Variants in KIF13A observed in about 807,000 individuals in gnomAD.
KIF13A encodes kinesin-like protein KIF13A.
A neutral mutation model predicts 212.2 loss-of-function variants in KIF13A; 79 were observed. The ratio of observed to expected loss-of-function variants is 0.37; its 90% CI spans 0.31 to 0.45. The LOEUF (loss-of-function observed/expected upper bound fraction) is 0.45. Among genes scored for constraint, KIF13A ranks in the 20% least tolerant of loss-of-function variants. The pLI, the probability that KIF13A is intolerant of heterozygous loss-of-function variation, is 1.00. For missense variants in KIF13A, 1,901 were observed against 2,209.0 expected (o/e 0.86, Z 2.79); for synonymous variants, 789 against 808.6 (o/e 0.98, Z 0.41).
chr6:17,955,452 A>G (rs1239995083), intron 2 of KIF13A, among the ~76,000 whole-genome samples: 1 of 152,234 alleles, frequency 6.6e-6, no homozygotes, highest in Non-Finnish European at 1.5e-5. Context: ...ACCAATTTGG[A>G]TATCTGACCA....
chr6:17,902,628 A>G (rs1455302079), intron 2 of KIF13A, among the ~76,000 whole-genome samples: 1 of 152,136 alleles, frequency 6.6e-6, no homozygotes, highest in African/African-American at 2.4e-5. Context: ...CCACTCTTGA[A>G]GACACAGTTC....
At chr6:17,879,793 A>C (rs1220103647) in intron 3 of KIF13A, among the ~76,000 whole-genome samples, 1 of 152,214 alleles carries the variant, frequency 6.6e-6, no homozygotes, top group Non-Finnish European at 1.5e-5. Flanking sequence ...CTTTCATGCC[A>C]AAATGTAATT....
Position 17,837,669 on chromosome 6 carries a change from T to G in KIF13A, c.831-86A>C. 1 of 922,322 alleles carries G rather than the reference T, an allele frequency of 1.1e-6. No homozygotes were observed. The highest frequency in any genetic ancestry group is 1.7e-6 in the Non-Finnish European group (1 of 592,986). The allele number at this position is 922,322 out of a possible 1,614,324, so 57.1% of individuals were successfully genotyped here. A position where few individuals can be genotyped will look rare whatever the true frequency, so the allele number is the denominator to read the frequency against. On this transcript the variant is annotated intron_variant, in intron 9 of 38. Transcript: ENST00000259711. The surrounding 1 kb of genome is among the most constrained non-coding windows in gnomAD (Gnocchi z 5.4). ...ATGCAGAACAATAAAGCTCCACAGT[T>G]AATACACGTTGGTGGCTCACGCCCG...
rs1281025424 is a variant in KIF13A at position 17,771,924 on chromosome 6, G to T, written c.4460C>A (p.Pro1487His). 1 of 1,613,986 alleles carries T rather than the reference G, an allele frequency of 6.2e-7. No homozygotes were observed. The highest frequency in any genetic ancestry group is 1.1e-5 in the South Asian group (1 of 91,090). ...AGCATTTACCTCCTGGCTTAGAAGA[G>T]GCCTTGCTTCCAGGGCTATCCTTTT... Reference protein sequence around the residue: ...HKKRIALEARPLLSQESMPPP... With the variant: ...HKKRIALEARHLLSQESMPPP... Residue 1487 changes from proline (P) to histidine (H), a missense_variant, in exon 37 of 39, where the codon CCT becomes CAT. Physicochemically the swap from Pro to His is moderately conservative, Grantham distance 77. Around this residue, in one of 5 missense-constraint regions of KIF13A, gnomAD observed 687 missense variants for 759.1 expected, o/e 0.90. Coordinates refer to ENST00000259711, the MANE Select transcript of KIF13A (RefSeq NM_022113.6). This position sits in a 1 kb window ranked among gnomAD's most constrained non-coding sequence, Gnocchi z 5.4.
chr6:17,785,317 C>T lies in KIF13A; in HGVS notation c.3488+198G>A, dbSNP rs753269653. On this transcript the variant is annotated intron_variant, in intron 28 of 38. Coordinates refer to ENST00000259711, the MANE Select transcript of KIF13A (RefSeq NM_022113.6). The surrounding 1 kb of genome is among the most constrained non-coding windows in gnomAD (Gnocchi z 5.8). ...CCTGGCCAGGTAATCAATGCTCTCT[C>T]GCTTCCTGTGGGAGAAAGTTGGCTT... Among the ~76,000 whole-genome samples the T allele has an allele frequency of 1.2e-4, 19 of 152,274 alleles. No individual in the cohort carries two copies. The highest frequency in any genetic ancestry group is 8.5e-4 in the Admixed American group (13 of 15,290).
At chr6:17,944,083 T>C (rs1777174132) in intron 2 of KIF13A, among the ~76,000 whole-genome samples, 1 of 152,346 alleles carries the variant, frequency 6.6e-6, no homozygotes, top group South Asian at 2.1e-4. Flanking sequence ...TTATTATCTA[T>C]ACAGGGTAAT....
At position 17,987,562 on chromosome 6, in the gene KIF13A, G is replaced by T; in HGVS notation, c.-99C>A. 1.7e-6 allele frequency: 1 copy of T among 583,012 alleles called. No homozygotes were observed. Among genetic ancestry groups the T allele is most frequent in the East Asian group, 1.4e-4 (1 of 7,028 alleles). 36.1% of individuals were successfully genotyped at this position (583,012 alleles called of 1,614,324 possible). A position where few individuals can be genotyped will look rare whatever the true frequency, so the allele number is the denominator to read the frequency against. On this transcript the variant is annotated 5_prime_UTR_variant, in exon 1 of 39. Coordinates refer to ENST00000259711, the MANE Select transcript of KIF13A (RefSeq NM_022113.6). This position sits in a 1 kb window ranked among gnomAD's most constrained non-coding sequence, Gnocchi z 7.7. ...CGCTGCAGCCGCGCGCCCCTCGAGC[G>T]CGGCCGCCGCCGCTCCGCCGTGAGC...
At chr6:17,815,810 C>T (rs1362232986) in intron 17 of KIF13A, among the ~76,000 whole-genome samples, 1 of 152,012 alleles carries the variant, frequency 6.6e-6, no homozygotes, top group African/African-American at 2.4e-5. Flanking sequence ...CTTGCCTTGG[C>T]ACCTGGGTGG....
chr6:17,859,135 C>A (rs1207005647), intron 4 of KIF13A, among the ~76,000 whole-genome samples: 1 of 151,882 alleles, frequency 6.6e-6, no homozygotes. Context: ...GTGTCTTTTT[C>A]CTTGGTAGGA....
At chr6:17,913,357 G>A (rs913874861) in intron 2 of KIF13A, among the ~76,000 whole-genome samples, 3 of 152,126 alleles carry the variant, frequency 2.0e-5, no homozygotes, top group Non-Finnish European at 2.9e-5. Flanking sequence ...AATTAGTTGA[G>A]TATTTTTCTT....
intron 2 of KIF13A, among the ~76,000 whole-genome samples, chr6:17,985,569 C>T (rs180704663): frequency 7.0e-6 from 1 of 143,654 alleles, no homozygotes; most frequent in African/African-American, 2.6e-5. Context: ...TCTACCTGTT[C>T]CCCCAGACTG....
intron 29 of KIF13A, 33 bp from the exon 30 acceptor site, chr6:17,781,334 G>A (rs771577874): frequency 4.6e-6 from 7 of 1,521,050 alleles, no homozygotes; most frequent in South Asian, 1.3e-5. Context: ...AAAAACAGTA[G>A]GGGAAAGTCA....
rs1287669871 is a variant in KIF13A at position 17,804,588 on chromosome 6, A to G, written c.2305-78T>C. ...TTAAATAATATTATTTAAAACTAGCATTTGAAAAAAAATTTAAAGAATCTA... is the reference window on the plus strand; with the variant it reads ...TTAAATAATATTATTTAAAACTAGCGTTTGAAAAAAAATTTAAAGAATCTA... On this transcript the variant is annotated intron_variant, in intron 19 of 38. Coordinates refer to ENST00000259711, the MANE Select transcript of KIF13A (RefSeq NM_022113.6). The G allele has an allele frequency of 7.0e-6, 9 of 1,282,308 alleles. No individual in the cohort carries two copies. In the Admixed American group the frequency reaches 1.5e-4, roughly 22 times the overall value. 79.4% of individuals were successfully genotyped at this position (1,282,308 alleles called of 1,614,324 possible).
At chr6:17,935,801 T>C (rs1776406530) in intron 2 of KIF13A, among the ~76,000 whole-genome samples, 1 of 152,196 alleles carries the variant, frequency 6.6e-6, no homozygotes, top group Non-Finnish European at 1.5e-5. Flanking sequence ...CTACATTGAT[T>C]AGTACAAATG....
intron 3 of KIF13A, among the ~76,000 whole-genome samples, chr6:17,884,529 T>C (rs1192485430): frequency 6.6e-6 from 1 of 151,700 alleles, no homozygotes; most frequent in Admixed American, 6.6e-5. Context: ...CTGAATTAAA[T>C]AGAAAGAGAA....
chr6:17,935,112 GGGGAGGAATACTAAAAGGCCAAAAT>G (rs1776347224), intron 2 of KIF13A, among the ~76,000 whole-genome samples: 2 of 152,254 alleles, frequency 1.3e-5, no homozygotes, highest in South Asian at 4.2e-4. Flanking sequence ...ACCTGGGGAG[GGGGAGGAATACTAAAAGGCCAAAAT>G]GGTTCTCTCT....
chr6:17,873,549 T>G (rs890444814), intron 3 of KIF13A, 112 bp from the exon 4 acceptor site: 1 of 728,682 alleles, frequency 1.4e-6, no homozygotes, highest in Admixed American at 2.8e-5. Flanking sequence ...ACTGTCTGAC[T>G]GAAAAAAATC....
chr6:17,845,839 A>G (rs1382357701), intron 9 of KIF13A, among the ~76,000 whole-genome samples: 1 of 152,178 alleles, frequency 6.6e-6, no homozygotes. Context: ...AAGGAGTAAC[A>G]TGTGCTTAAA....
Position 17,872,987 on chromosome 6 carries a change from CA to C in KIF13A, c.220+389del, listed in dbSNP as rs1311416200. The stretch of plus-strand genomic sequence containing the variant: ...ATATCTAAGAAAAAGGGGGCATAAT[CA>C]GAAGCAAAAGAACCAAAAACTTCCT... On this transcript the variant is annotated intron_variant, in intron 4 of 38. Coordinates refer to ENST00000259711, the MANE Select transcript of KIF13A (RefSeq NM_022113.6). This position sits in a 1 kb window ranked among gnomAD's most constrained non-coding sequence, Gnocchi z 4.7. 2.6e-5 allele frequency among the ~76,000 whole-genome samples: 4 copies of C among 152,102 alleles called. No homozygotes were observed. The highest frequency in any genetic ancestry group is 5.9e-5 in the Non-Finnish European group (4 of 68,036).
Sources: allele counts gnomAD v4.1 joint callset (sites outside exome capture counted in the v4.1 genomes callset), GRCh38; gene constraint gnomAD v4.1.1; regional missense constraint gnomAD v4.1.1; non-coding constraint Gnocchi (gnomAD v3.1); transcripts MANE v1.5; gene names NCBI Gene and HGNC (gene_info 2026-07-23, HGNC 2026-07-21).